The following PPM1D variants were observed in gnomAD, a reference collection of about 807,000 sequenced individuals.
PPM1D encodes protein phosphatase 1D.
A neutral mutation model predicts 58.3 loss-of-function variants in PPM1D; 52 were observed. That is an observed-to-expected ratio of 0.89 (90% confidence interval 0.71 to 1.12). The LOEUF (loss-of-function observed/expected upper bound fraction) is 1.12, where lower values mean the gene tolerates loss of function less well. PPM1D is among the 50% of genes most tolerant of loss of function. The pLI is 0.00. For synonymous variants in PPM1D, 278 were observed against 285.1 expected (o/e 0.98, Z 0.25); for missense variants, 564 against 777.2 (o/e 0.73, Z 3.26).
At chr17:60,613,892 CCCCCCCCCGCCA>C (rs1454115058) in intron 1 of PPM1D, among the ~76,000 whole-genome samples, 2 of 123,998 alleles carry the variant, frequency 1.6e-5, no homozygotes, top group African/African-American at 8.7e-5. Context: ...TACCTGAGGC[CCCCCCCCCGCCA>C]CCCCCCCGCC....
intron 3 of PPM1D, 100 bp downstream of exon 3, chr17:60,634,077 G>A (rs970814575): frequency 3.7e-6 from 5 of 1,363,466 alleles, no homozygotes; most frequent in Non-Finnish European, 5.1e-6. Flanking sequence ...TTGGCATATA[G>A]TGAGGGTAGA....
At chr17:60,638,462 C>T (rs766314846) in intron 3 of PPM1D, among the ~76,000 whole-genome samples, 2 of 151,958 alleles carry the variant, frequency 1.3e-5, no homozygotes, top group Non-Finnish European at 2.9e-5. Context: ...TCCGCCTCCC[C>T]GGCTCAAATG....
chr17:60,627,662 C>T (rs1377480665), intron 2 of PPM1D, among the ~76,000 whole-genome samples: 4 of 151,976 alleles, frequency 2.6e-5, no homozygotes, highest in South Asian at 2.1e-4. Context: ...CCTTGTGATC[C>T]GCCCACCTCT....
chr17:60,616,532 C>G (rs896080746), intron 1 of PPM1D, among the ~76,000 whole-genome samples: 1 of 152,082 alleles, frequency 6.6e-6, no homozygotes, highest in East Asian at 1.9e-4. Flanking sequence ...ATCTCTTGAA[C>G]CCAGGAGGCA....
intron 1 of PPM1D, among the ~76,000 whole-genome samples, chr17:60,621,675 G>A (rs1274100398): frequency 1.3e-5 from 2 of 148,362 alleles, no homozygotes; most frequent in Admixed American, 6.8e-5. Flanking sequence ...CCGGGTTCAC[G>A]CCATTCTCTT....
chr17:60,636,492 C>G (rs1367570478), intron 3 of PPM1D, among the ~76,000 whole-genome samples: 1 of 152,040 alleles, frequency 6.6e-6, no homozygotes, highest in Non-Finnish European at 1.5e-5. Context: ...GTTAGAAATG[C>G]TACCAAGAAA....
At chr17:60,640,944 T>TG (rs971591948) in intron 3 of PPM1D, among the ~76,000 whole-genome samples, 4 of 152,128 alleles carry the variant, frequency 2.6e-5, no homozygotes, top group African/African-American at 9.7e-5. Flanking sequence ...TTTTTTTTTT[T>TG]GTGGCTGTGT....
chr17:60,627,273 T>C (rs903972711), intron 2 of PPM1D, among the ~76,000 whole-genome samples: 15 of 152,130 alleles, frequency 9.9e-5, no homozygotes, highest in African/African-American at 3.6e-4. Flanking sequence ...ATTGTATTTG[T>C]TTTTGACATG....
chr17:60,652,563 T>TTG (rs1368248876), intron 4 of PPM1D, among the ~76,000 whole-genome samples: 2 of 146,784 alleles, frequency 1.4e-5, no homozygotes, highest in Non-Finnish European at 3.0e-5. Context: ...TTTTTTTTTT[T>TTG]TTTTTTTTTT....
intron 3 of PPM1D, among the ~76,000 whole-genome samples, chr17:60,634,876 G>C (rs2030993794): frequency 6.6e-6 from 1 of 152,128 alleles, no homozygotes; most frequent in African/African-American, 2.4e-5. Context: ...TACCTCCCAG[G>C]CTCAAGTGAT....
chr17:60,656,514 A>C, intron 4 of PPM1D, 85 bp from the exon 5 acceptor site: 2 of 1,517,186 alleles, frequency 1.3e-6, no homozygotes, highest in Non-Finnish European at 1.8e-6. Context: ...CACAGCGAAC[A>C]CCAAATATTT....
At chr17:60,650,997 C>T (rs911648516) in intron 4 of PPM1D, among the ~76,000 whole-genome samples, 40 of 152,114 alleles carry the variant, frequency 2.6e-4, no homozygotes, top group African/African-American at 9.2e-4. Flanking sequence ...CGTGGAAATA[C>T]TAATTTAACA....
At chr17:60,661,974 C>G (rs1002414041) in intron 5 of PPM1D, among the ~76,000 whole-genome samples, 1 of 151,930 alleles carries the variant, frequency 6.6e-6, no homozygotes, top group Non-Finnish European at 1.5e-5. Flanking sequence ...CTAGAAAATT[C>G]AGATTTTTAT....
intron 5 of PPM1D, among the ~76,000 whole-genome samples, chr17:60,659,950 G>T (rs914317374): frequency 6.6e-6 from 1 of 152,102 alleles, no homozygotes; most frequent in Non-Finnish European, 1.5e-5. Context: ...GGTGGCTCAC[G>T]CCTGTAATCC....
chr17:60,601,568 G>A (rs113411694), intron 1 of PPM1D, among the ~76,000 whole-genome samples: 13 of 152,210 alleles, frequency 8.5e-5, no homozygotes, highest in African/African-American at 3.1e-4. Context: ...AAGGGTGTGC[G>A]TTAGATTCTG....
chr17:60,606,330 A>G (rs2030329477), intron 1 of PPM1D, among the ~76,000 whole-genome samples: 1 of 152,184 alleles, frequency 6.6e-6, no homozygotes, highest in Admixed American at 6.5e-5. Context: ...CTTTTTGGCT[A>G]TTGTGACTAG....
chr17:60,629,064 A>T (rs547934396), intron 2 of PPM1D, among the ~76,000 whole-genome samples: 1 of 152,344 alleles, frequency 6.6e-6, no homozygotes, highest in Admixed American at 6.5e-5. Flanking sequence ...TAGTGGGAAG[A>T]TGACCTTGAA....
intron 1 of PPM1D, among the ~76,000 whole-genome samples, chr17:60,620,013 TTTTGA>T (rs2030667025): frequency 6.6e-6 from 1 of 151,834 alleles, no homozygotes; most frequent in African/African-American, 2.4e-5. Context: ...TTTTGTTTTG[TTTTGA>T]GACAGAGTCT....
In PPM1D at chr17:60,663,595, G is replaced by GA. The variant is rs759575469; in HGVS notation, c.*44dup. 528 of 1,551,650 alleles carry GA rather than the reference G, an allele frequency of 3.4e-4. No homozygotes were observed. The highest frequency in any genetic ancestry group is 4.4e-4 in the Non-Finnish European group (509 of 1,154,926). On this transcript the variant is annotated 3_prime_UTR_variant, in exon 6 of 6. Transcript: ENST00000305921. The stretch of plus-strand genomic sequence containing the variant: ...AGGTTTTTCCAAACTTAGGATATAA[G>GA]AGGGCTTTTTAAATTTGGTGCCGAT...
Sources: gnomAD v4.1 joint callset for allele counts (sites outside exome capture counted in the v4.1 genomes callset) on GRCh38, gnomAD v4.1.1 for gene constraint, MANE v1.5 for transcripts, NCBI Gene and HGNC (gene_info 2026-07-23, HGNC 2026-07-21) for gene names.